The following VPS9D1 variants were observed in gnomAD, a reference collection of about 807,000 sequenced individuals.
VPS9D1 encodes the protein VPS9 domain-containing protein 1.
A neutral mutation model predicts 75.8 loss-of-function variants in VPS9D1; 78 were observed. The ratio of observed to expected loss-of-function variants is 1.03; its 90% CI spans 0.86 to 1.24. The LOEUF (loss-of-function observed/expected upper bound fraction) is 1.24, where lower values mean the gene tolerates loss of function less well. Ranked by LOEUF, VPS9D1 falls within the 50% of genes most tolerant of loss-of-function variation. VPS9D1 has a pLI of 0.00. For synonymous variants in VPS9D1, 481 were observed against 385.6 expected (o/e 1.25, Z -2.90); for missense variants, 1,057 against 847.7 (o/e 1.25, Z -3.07).
rs949812157 is a variant in VPS9D1 at position 89,711,953 on chromosome 16, C to T, written c.676G>A (p.Val226Ile). 2 of 1,551,084 alleles carry T rather than the reference C, an allele frequency of 1.3e-6. No individual in the cohort carries two copies. The highest frequency in any genetic ancestry group is 1.4e-5 in the African/African-American group (1 of 73,088). ...TCCCGTTCCTCCGGGGTCAGGGCGACTTGGCTGCAAAACCTCCTGGGGAGA... is the reference window on the plus strand; with the variant it reads ...TCCCGTTCCTCCGGGGTCAGGGCGATTTGGCTGCAAAACCTCCTGGGGAGA... ...EAANRRFCSQ[V>I]ALTPEEREQR... The change falls in exon 8 of 15, where the codon GTC (valine) becomes ATC (isoleucine). Residue 226 changes from valine (V) to isoleucine (I), a missense_variant. Physicochemically the swap from Val to Ile is conservative, Grantham distance 29. Transcript: ENST00000389386.
At chr16:89,711,991 G>A in intron 7 of VPS9D1, 22 bp from the exon 8 acceptor site, 1 of 1,550,106 alleles carries the variant, frequency 6.5e-7, no homozygotes, top group Non-Finnish European at 8.7e-7. Context: ...GGCACGCGGT[G>A]GGTGCCGGGG....
chr16:89,713,456 G>A lies in VPS9D1; in HGVS notation c.432-740C>T, dbSNP rs188723211. 5.6e-3 allele frequency among the ~76,000 whole-genome samples: 852 copies of A among 151,416 alleles called. 9 individuals are homozygous for A. Among genetic ancestry groups the A allele is most frequent in the African/African-American group, 0.02 (807 of 41,372 alleles). ...TTTTTAGTAGAGACGGGGTTTCACCGCATTAACCAGGATGGTCTTGATCTC... is the reference window on the plus strand; with the variant it reads ...TTTTTAGTAGAGACGGGGTTTCACCACATTAACCAGGATGGTCTTGATCTC... On this transcript the variant is annotated intron_variant, in intron 4 of 14. Coordinates refer to ENST00000389386, the MANE Select transcript of VPS9D1 (RefSeq NM_004913.3).
In VPS9D1 at chr16:89,707,781, G is replaced by T; in HGVS notation, c.*80C>A. ...TGAGGCTCCAGGATGGTCCTCAGTAGATCCCATGGCTCCAGGTGTAGGAGA... is the reference window on the plus strand; with the variant it reads ...TGAGGCTCCAGGATGGTCCTCAGTATATCCCATGGCTCCAGGTGTAGGAGA... On this transcript the variant is annotated 3_prime_UTR_variant, in exon 15 of 15. Transcript: ENST00000389386. 3 of 1,345,768 alleles carry T rather than the reference G, an allele frequency of 2.2e-6. No individual in the cohort carries two copies. The highest frequency in any genetic ancestry group is 3.2e-6 in the Non-Finnish European group (3 of 945,354). The allele number at this position is 1,345,768 out of a possible 1,614,324, so 83.4% of individuals were successfully genotyped here. A position where few individuals can be genotyped will look rare whatever the true frequency, so the allele number is the denominator to read the frequency against.
intron 4 of VPS9D1, among the ~76,000 whole-genome samples, chr16:89,715,039 C>G (rs968705995): frequency 6.6e-6 from 1 of 152,128 alleles, no homozygotes; most frequent in South Asian, 2.1e-4. Context: ...GGCTTTCCAT[C>G]TCTTGTTTTC....
intron 2 of VPS9D1, chr16:89,718,161 C>T (rs186473111): frequency 2.1e-4 from 90 of 421,442 alleles, no homozygotes; most frequent in African/African-American, 1.6e-3. Flanking sequence ...CATTGCGGAA[C>T]TTGCTATTCC....
Position 89,708,871 on chromosome 16 carries a change from G to A in VPS9D1, c.1683C>T (p.Ile561=), listed in dbSNP as rs768702892. The part of the protein sequence containing the change: ...EATPQAGPPP[I]AAAAIGADDL... Reference sequence around the variant, plus strand: ...CTGGGACTCACATGGCAGCTGCAGCGATGGGCGGGGGCCCGGCCTGGGGTG... The same window carrying A: ...CTGGGACTCACATGGCAGCTGCAGCAATGGGCGGGGGCCCGGCCTGGGGTG... The change falls in exon 13 of 15, where the codon ATC becomes ATT. Residue 561 remains isoleucine (I), a synonymous_variant. Coordinates refer to ENST00000389386, the MANE Select transcript of VPS9D1 (RefSeq NM_004913.3). 8.6e-5 allele frequency: 136 copies of A among 1,582,234 alleles called. No individual in the cohort carries two copies. The highest frequency in any genetic ancestry group is 9.0e-5 in the East Asian group (4 of 44,608).
intron 4 of VPS9D1, among the ~76,000 whole-genome samples, chr16:89,714,349 C>T (rs1309584605): frequency 2.0e-5 from 3 of 152,126 alleles, no homozygotes; most frequent in Non-Finnish European, 4.4e-5. Context: ...ATTGGACACC[C>T]CTGCTTTAAA....
chr16:89,720,409 A>G (rs2061223554), intron 1 of VPS9D1: 1 of 1,013,732 alleles, frequency 9.9e-7, no homozygotes, highest in Non-Finnish European at 1.2e-6. Context: ...TAAATCTACC[A>G]TCTCTGCCCA....
chr16:89,709,972 C>T, intron 10 of VPS9D1, 66 bp from the exon 11 acceptor site: 1 of 1,528,412 alleles, frequency 6.5e-7, no homozygotes, highest in Non-Finnish European at 8.8e-7. Flanking sequence ...TGGCTCTAAG[C>T]CACGGGGCCT....
intron 4 of VPS9D1, among the ~76,000 whole-genome samples, chr16:89,715,153 T>C (rs1318829518): frequency 6.6e-6 from 1 of 152,208 alleles, no homozygotes; most frequent in African/African-American, 2.4e-5. Context: ...GTTATAAACT[T>C]GTCTGCTCAG....
chr16:89,709,283 T>G lies in VPS9D1; in HGVS notation c.1541A>C (p.Gln514Pro), dbSNP rs745999333. The G allele has an allele frequency of 2.5e-6, 4 of 1,610,842 alleles. No homozygotes were observed. The highest frequency in any genetic ancestry group is 3.4e-6 in the Non-Finnish European group (4 of 1,179,580). ...CTCCAGGACCAGCAGTCCGAGCTCC[T>G]GGGCCGCCGCGCAGTAGGGGTAGCC... The part of the protein sequence containing the change: ...ATGYPYCAAA[Q>P]ELGLLVLESC... Residue 514 changes from glutamine to proline, a missense_variant, in exon 12 of 15, where the codon CAG (glutamine) becomes CCG (proline). Coordinates refer to ENST00000389386, the MANE Select transcript of VPS9D1 (RefSeq NM_004913.3).
intron 2 of VPS9D1, chr16:89,717,225 C>T (rs1704484790): frequency 3.6e-6 from 1 of 275,594 alleles, no homozygotes; most frequent in Non-Finnish European, 7.0e-6. Flanking sequence ...CATTTCTAAT[C>T]ATCTGCCCTG....
chr16:89,708,274 C>T (rs1173384902), intron 14 of VPS9D1, among the ~76,000 whole-genome samples, 153 bp downstream of exon 14: 3 of 152,230 alleles, frequency 2.0e-5, no homozygotes, highest in Non-Finnish European at 4.4e-5. Flanking sequence ...AGGCACTCTG[C>T]ACAGGTGGAC....
chr16:89,713,834 C>A (rs1260009342), intron 4 of VPS9D1, among the ~76,000 whole-genome samples: 2 of 151,782 alleles, frequency 1.3e-5, no homozygotes, highest in East Asian at 4.0e-4. Context: ...TGGTGAAACC[C>A]CGTCTCTATT....
At chr16:89,711,152 G>C (rs547222719) in intron 9 of VPS9D1, 142 bp from the exon 10 acceptor site, 1 of 1,188,482 alleles carries the variant, frequency 8.4e-7, no homozygotes, top group East Asian at 2.7e-5. Flanking sequence ...CCCCGCCCCC[G>C]CTGGGGAGGT....
In VPS9D1 at chr16:89,707,703, A is replaced by G; in HGVS notation, c.*158T>C. 1 of 631,336 alleles carries G rather than the reference A, an allele frequency of 1.6e-6. No individual in the cohort carries two copies. Among genetic ancestry groups the G allele is most frequent in the African/African-American group, 1.8e-5 (1 of 54,538 alleles). 39.1% of individuals were successfully genotyped at this position (631,336 alleles called of 1,614,324 possible). ...GTCAGATGTGAGGTGAGGAAGGTGAAGAGCTGGAGAGCACACCACAGTGGA... is the reference window on the plus strand; with the variant it reads ...GTCAGATGTGAGGTGAGGAAGGTGAGGAGCTGGAGAGCACACCACAGTGGA... On this transcript the variant is annotated 3_prime_UTR_variant, in exon 15 of 15. Coordinates refer to ENST00000389386, the MANE Select transcript of VPS9D1 (RefSeq NM_004913.3).
chr16:89,711,242 C>G, intron 9 of VPS9D1, 85 bp downstream of exon 9: 1 of 1,438,064 alleles, frequency 7.0e-7, no homozygotes, highest in South Asian at 1.2e-5. Flanking sequence ...CTGTGTCAGT[C>G]CAGCCCCTCT....
intron 2 of VPS9D1, among the ~76,000 whole-genome samples, chr16:89,718,747 G>A (rs562420994): frequency 3.4e-5 from 5 of 148,622 alleles, no homozygotes; most frequent in Middle Eastern, 3.5e-3. Flanking sequence ...ACGGAGTTTC[G>A]CTCTTGTTCC....
chr16:89,719,481 CCTT>C (rs2061183743), intron 1 of VPS9D1: 1 of 401,340 alleles, frequency 2.5e-6, no homozygotes, highest in South Asian at 1.8e-5. Context: ...TGCAATGTTT[CCTT>C]CTTGTGCAAC....
Sources: allele counts gnomAD v4.1 joint callset (sites outside exome capture counted in the v4.1 genomes callset), GRCh38; gene constraint gnomAD v4.1.1; transcripts MANE v1.5; gene names NCBI Gene and HGNC (gene_info 2026-07-23, HGNC 2026-07-21).